The following CD38 variants were observed in gnomAD, a reference collection of about 807,000 sequenced individuals.
CD38 encodes the protein ADP-ribosyl cyclase/cyclic ADP-ribose hydrolase 1.
In CD38, 31 loss-of-function variants were observed where a neutral mutation model predicts 36.3. The ratio of observed to expected loss-of-function variants is 0.85; its 90% CI spans 0.64 to 1.15. The LOEUF (loss-of-function observed/expected upper bound fraction) is 1.15. CD38 is among the 50% of genes most tolerant of loss of function. The pLI, the probability that CD38 is intolerant of heterozygous loss-of-function variation, is 0.00. For missense variants in CD38, 380 were observed against 371.9 expected (o/e 1.02, Z -0.18); for synonymous variants, 131 against 135.2 (o/e 0.97, Z 0.22).
chr4:15,787,715 G>A (rs1722872923), intron 1 of CD38, among the ~76,000 whole-genome samples: 3 of 152,178 alleles, frequency 2.0e-5, no homozygotes, highest in Non-Finnish European at 4.4e-5. Context: ...CTGGCTGAGC[G>A]ACAGATGAAA....
chr4:15,839,752 G>A (rs1005283724), intron 5 of CD38, among the ~76,000 whole-genome samples: 1 of 152,072 alleles, frequency 6.6e-6, no homozygotes, highest in Non-Finnish European at 1.5e-5. Context: ...GAGTTCCCAG[G>A]TGATGTTCAT....
chr4:15,823,065 AAAAC>A (rs1553874323), intron 2 of CD38, among the ~76,000 whole-genome samples: 2 of 152,216 alleles, frequency 1.3e-5, no homozygotes, highest in Non-Finnish European at 2.9e-5. Flanking sequence ...AAACCTGACA[AAAAC>A]AAGCAATGGG....
rs565728291 is a variant in CD38, at chr4:15,800,977, G to T, written c.234-15534G>T. ...ATCAGAACAGAAATAAATGAAATAGGTTGGAAAAGTAATACAAAAGATCAA... is the reference window on the plus strand; with the variant it reads ...ATCAGAACAGAAATAAATGAAATAGTTTGGAAAAGTAATACAAAAGATCAA... On this transcript the variant is annotated intron_variant, in intron 1 of 7. Transcript: ENST00000226279. Among the ~76,000 whole-genome samples the T allele has an allele frequency of 1.2e-4, 18 of 151,952 alleles. No homozygotes were observed. The South Asian group carries it at 2.5e-3, about 21-fold the overall frequency.
chr4:15,842,346 G>A (rs1461237930), intron 7 of CD38, among the ~76,000 whole-genome samples: 1 of 132,230 alleles, frequency 7.6e-6, no homozygotes, highest in Non-Finnish European at 1.6e-5. Context: ...TGCAGCTGAG[G>A]GTCCTGTCTG....
chr4:15,818,179 C>G (rs905711986), intron 2 of CD38, among the ~76,000 whole-genome samples: 2 of 151,916 alleles, frequency 1.3e-5, no homozygotes, highest in Non-Finnish European at 1.5e-5. Flanking sequence ...GAGGGGCGTC[C>G]GCCATTACTG....
At chr4:15,805,215 T>A (rs1364115745) in intron 1 of CD38, among the ~76,000 whole-genome samples, 1 of 152,202 alleles carries the variant, frequency 6.6e-6, no homozygotes, top group Non-Finnish European at 1.5e-5. Flanking sequence ...TTTTAAAAAC[T>A]TTTAAAAAAC....
At chr4:15,819,758 C>A (rs1723690650) in intron 2 of CD38, among the ~76,000 whole-genome samples, 1 of 152,060 alleles carries the variant, frequency 6.6e-6, no homozygotes, top group Admixed American at 6.6e-5. Flanking sequence ...ATAAAAAGAA[C>A]CTATGACTGA....
intron 1 of CD38, among the ~76,000 whole-genome samples, chr4:15,803,612 A>T (rs976189531): frequency 3.9e-5 from 6 of 152,204 alleles, no homozygotes. Context: ...CATCAAAAAG[A>T]AGAAAAAATA....
At chr4:15,802,983 T>A (rs535245218) in intron 1 of CD38, among the ~76,000 whole-genome samples, 7 of 152,252 alleles carry the variant, frequency 4.6e-5, no homozygotes, top group Admixed American at 3.3e-4. Flanking sequence ...AACCCAGAAA[T>A]AAATTCACAT....
At chr4:15,817,500 T>G (rs994323522) in intron 2 of CD38, among the ~76,000 whole-genome samples, 3 of 152,250 alleles carry the variant, frequency 2.0e-5, no homozygotes, top group Non-Finnish European at 2.9e-5. Context: ...AGGCTGACAT[T>G]TGTCAAATAA....
At position 15,778,423 on chromosome 4, in the gene CD38, C is replaced by T. The variant is rs148671038; in HGVS notation, c.9C>T (p.Asn3=). 8.7e-6 allele frequency: 14 copies of T among 1,613,584 alleles called. No homozygotes were observed. The highest frequency in any genetic ancestry group is 1.2e-5 in the Non-Finnish European group (14 of 1,179,782). The change falls in exon 1 of 8, where the codon AAC becomes AAT. Residue 3 remains asparagine, a synonymous_variant. Coordinates refer to ENST00000226279, the MANE Select transcript of CD38 (RefSeq NM_001775.4). This position sits in a 1 kb window ranked among gnomAD's most constrained non-coding sequence, Gnocchi z 4.9. ...ACCCCGCCTGGAGCCCTATGGCCAACTGCGAGTTCAGCCCGGTGTCCGGGG... is the reference window on the plus strand; with the variant it reads ...ACCCCGCCTGGAGCCCTATGGCCAATTGCGAGTTCAGCCCGGTGTCCGGGG... The part of the protein sequence containing the change: MA[N]CEFSPVSGDK...
intron 7 of CD38, among the ~76,000 whole-genome samples, chr4:15,845,871 T>C (rs1163876053): frequency 1.1e-5 from 1 of 91,862 alleles, no homozygotes; most frequent in Admixed American, 1.0e-4. Flanking sequence ...GTGAAGGACC[T>C]CTTCAAGGAG....
At chr4:15,842,096 C>T (rs1443943568) in intron 7 of CD38, among the ~76,000 whole-genome samples, 1 of 126,596 alleles carries the variant, frequency 7.9e-6, no homozygotes, top group African/African-American at 3.4e-5. Context: ...TAGGCTCCAC[C>T]TCTGGGGGCA....
chr4:15,785,633 G>A (rs557797244), intron 1 of CD38, among the ~76,000 whole-genome samples: 1 of 151,954 alleles, frequency 6.6e-6, no homozygotes, highest in East Asian at 1.9e-4. Flanking sequence ...CCAAATGTCA[G>A]TTTAGATATT....
At chr4:15,820,407 T>TTGCCC (rs1723706275) in intron 2 of CD38, among the ~76,000 whole-genome samples, 3 of 151,852 alleles carry the variant, frequency 2.0e-5, no homozygotes, top group Admixed American at 1.3e-4. Flanking sequence ...GCAAGCTGGA[T>TTGCCC]AGTCAAGATC....
chr4:15,778,525 G>A lies in CD38; in HGVS notation c.111G>A (p.Val37=), dbSNP rs1341065427. 6.2e-7 allele frequency: 1 copy of A among 1,613,556 alleles called. No homozygotes were observed. Among genetic ancestry groups the A allele is most frequent in the Non-Finnish European group, 8.5e-7 (1 of 1,179,982 alleles). Residue 37 remains valine, a synonymous_variant, in exon 1 of 8, where the codon GTG becomes GTA. Coordinates refer to ENST00000226279, the MANE Select transcript of CD38 (RefSeq NM_001775.4). The surrounding 1 kb of genome is among the most constrained non-coding windows in gnomAD (Gnocchi z 4.9). ...GTATCCTGGTCCTGATCCTCGTCGT[G>A]GTGCTCGCGGTGGTCGTCCCGAGGT... The part of the protein sequence containing the change: ...GVSILVLILV[V]VLAVVVPRWR...
intron 3 of CD38, among the ~76,000 whole-genome samples, chr4:15,830,325 G>A (rs1285513691): frequency 6.6e-6 from 1 of 152,064 alleles, no homozygotes; most frequent in African/African-American, 2.4e-5. Flanking sequence ...GTTTTGATTT[G>A]CATTTATCTG....
chr4:15,812,583 C>G (rs539108973), intron 1 of CD38, among the ~76,000 whole-genome samples: 13 of 152,098 alleles, frequency 8.5e-5, no homozygotes, highest in African/African-American at 2.9e-4. Flanking sequence ...GCCTGTAATC[C>G]CAGCTACTCA....
chr4:15,818,557 A>G (rs4698420), intron 2 of CD38, among the ~76,000 whole-genome samples: 61,298 of 152,002 alleles, frequency 0.4, 14,161 homozygotes, highest in African/African-American at 0.64. Flanking sequence ...CTCCTGACTG[A>G]GAGAGACCAC....
Sources: gnomAD v4.1 joint callset for allele counts (sites outside exome capture counted in the v4.1 genomes callset) on GRCh38, gnomAD v4.1.1 for gene constraint, Gnocchi (gnomAD v3.1) non-coding constraint, MANE v1.5 for transcripts, NCBI Gene and HGNC (gene_info 2026-07-23, HGNC 2026-07-21) for gene names.